Variants in TMEM45A observed in about 807,000 individuals in gnomAD.
TMEM45A encodes the protein DNA polymerase-transactivated protein 4.
Under a neutral mutation model 32.0 loss-of-function variants are expected in TMEM45A, and 25 were observed. The ratio of observed to expected loss-of-function variants is 0.78; its 90% CI spans 0.57 to 1.09. TMEM45A has a LOEUF of 1.09. Ranked by LOEUF, TMEM45A falls within the 50% of genes least tolerant of loss-of-function variation. The pLI is 0.00. For missense variants in TMEM45A, 302 were observed against 325.0 expected, an observed-to-expected ratio of 0.93 and a Z score of 0.54; for synonymous variants, 122 against 114.8, an observed-to-expected ratio of 1.06 and a Z score of -0.40.
chr3:100,542,712 G>T (rs1336105608), intron 1 of TMEM45A, among the ~76,000 whole-genome samples: 3 of 152,162 alleles, frequency 2.0e-5, no homozygotes, highest in Non-Finnish European at 4.4e-5. Context: ...CCATAAAAAG[G>T]AATGAAAATC....
intron 5 of TMEM45A, among the ~76,000 whole-genome samples, chr3:100,569,712 T>C (rs1030387960): frequency 3.4e-5 from 5 of 149,026 alleles, no homozygotes; most frequent in African/African-American, 1.2e-4. Context: ...CTTGTTATTC[T>C]TTTCCTCCCT....
intron 1 of TMEM45A, among the ~76,000 whole-genome samples, chr3:100,507,324 A>G (rs1708091982): frequency 1.3e-5 from 2 of 152,188 alleles, no homozygotes; most frequent in African/African-American, 4.8e-5. Flanking sequence ...TCTGCATACA[A>G]TTTACAAATC....
At chr3:100,568,240 A>G (rs1013008732) in intron 4 of TMEM45A, among the ~76,000 whole-genome samples, 2 of 152,170 alleles carry the variant, frequency 1.3e-5, no homozygotes, top group African/African-American at 2.4e-5. Context: ...TATATATAAG[A>G]TCATGTCATC....
chr3:100,567,264 T>C (rs1194062240), intron 4 of TMEM45A, among the ~76,000 whole-genome samples: 1 of 151,958 alleles, frequency 6.6e-6, no homozygotes, highest in Non-Finnish European at 1.5e-5. Context: ...TTGAAGACTG[T>C]TCTTTCCCCA....
chr3:100,526,530 GA>G (rs1705548405), intron 1 of TMEM45A, among the ~76,000 whole-genome samples: 1 of 152,070 alleles, frequency 6.6e-6, no homozygotes, highest in Non-Finnish European at 1.5e-5. Flanking sequence ...ACCTTTTCAA[GA>G]AGTCATTTAT....
intron 1 of TMEM45A, among the ~76,000 whole-genome samples, chr3:100,531,813 G>A (rs1471385991): frequency 1.3e-5 from 2 of 152,176 alleles, no homozygotes; most frequent in Non-Finnish European, 2.9e-5. Flanking sequence ...TAATGATGCT[G>A]GCGATTTATT....
intron 1 of TMEM45A, among the ~76,000 whole-genome samples, chr3:100,503,704 A>G (rs149084770): frequency 7.2e-5 from 11 of 152,314 alleles, no homozygotes; most frequent in Admixed American, 2.6e-4. Flanking sequence ...TACATGAACA[A>G]CTAATGACTG....
intron 1 of TMEM45A, among the ~76,000 whole-genome samples, chr3:100,541,362 CG>C (rs1315103525): frequency 2.0e-5 from 3 of 151,866 alleles, no homozygotes; most frequent in Non-Finnish European, 4.4e-5. Context: ...TTGTTTTTGT[CG>C]CAATTGTTTT....
chr3:100,500,076 C>T (rs1707988990), intron 1 of TMEM45A, among the ~76,000 whole-genome samples: 1 of 152,108 alleles, frequency 6.6e-6, no homozygotes, highest in African/African-American at 2.4e-5. Context: ...GGTTCCCCTT[C>T]TATTTACATG....
intron 1 of TMEM45A, among the ~76,000 whole-genome samples, chr3:100,548,355 G>T (rs1396886786): frequency 8.5e-5 from 13 of 152,164 alleles, no homozygotes. Context: ...GCATTCCTGT[G>T]TCTTGGCACT....
chr3:100,539,481 A>ATATG (rs1705815583), intron 1 of TMEM45A, among the ~76,000 whole-genome samples: 1 of 141,472 alleles, frequency 7.1e-6, no homozygotes, highest in African/African-American at 2.9e-5. Context: ...ATGTATATGT[A>ATATG]TATGTATATG....
intron 4 of TMEM45A, among the ~76,000 whole-genome samples, chr3:100,564,994 C>T (rs9864288): frequency 0.32 from 48,924 of 152,000 alleles, 8,786 homozygotes; most frequent in African/African-American, 0.46. Flanking sequence ...CACTGTCCTT[C>T]GTATTGCCCC....
chr3:100,558,430 T>C lies in TMEM45A; in HGVS notation c.429T>C (p.His143=), dbSNP rs1182550960. ...VEAFIFYNHT[H]GREMLDIFVH... ...CCTTTATCTTCTACAACCACACTCA[T>C]GGCCGGGAAATGCTGGACATCTTTG... is the stretch of plus-strand genomic sequence containing the variant. Residue 143 remains histidine (H), a synonymous_variant, in exon 4 of 6, where the codon CAT becomes CAC. Coordinates refer to ENST00000323523, the MANE Select transcript of TMEM45A (RefSeq NM_018004.3). The C allele has an allele frequency of 1.2e-6, 2 of 1,613,776 alleles. No homozygotes were observed. The highest frequency in any genetic ancestry group is 2.2e-5 in the East Asian group (1 of 44,886).
At chr3:100,555,811 G>A (rs940184976) in intron 2 of TMEM45A, among the ~76,000 whole-genome samples, 4 of 152,134 alleles carry the variant, frequency 2.6e-5, no homozygotes, top group Non-Finnish European at 5.9e-5. Context: ...ATTTCTTCAT[G>A]CTTTATTCAT....
chr3:100,496,489 A>G (rs1212750707), intron 1 of TMEM45A, among the ~76,000 whole-genome samples: 1 of 152,260 alleles, frequency 6.6e-6, no homozygotes, highest in Non-Finnish European at 1.5e-5. Flanking sequence ...CCAATAGGCT[A>G]TGCTACCTTA....
At chr3:100,544,892 A>G (rs1460625604) in intron 1 of TMEM45A, among the ~76,000 whole-genome samples, 1 of 152,148 alleles carries the variant, frequency 6.6e-6, no homozygotes, top group Non-Finnish European at 1.5e-5. Context: ...TGTATGTTTA[A>G]TGTTATAAAA....
chr3:100,565,786 CTAACA>C (rs1385036168), intron 4 of TMEM45A, among the ~76,000 whole-genome samples: 1 of 152,088 alleles, frequency 6.6e-6, no homozygotes, highest in African/African-American at 2.4e-5. Flanking sequence ...TAAAACTTTC[CTAACA>C]TAACATTAAT....
In TMEM45A at chr3:100,555,448, A is replaced by G; in HGVS notation, c.190+47A>G. 2 of 1,517,340 alleles carry G rather than the reference A, an allele frequency of 1.3e-6. 1 individual carries two copies. Among genetic ancestry groups the G allele is most frequent in the Non-Finnish European group, 1.8e-6 (2 of 1,126,156 alleles). 94.0% of individuals were successfully genotyped at this position (1,517,340 alleles called of 1,614,324 possible). Reference sequence around the variant, plus strand: ...CTATTTTTACCTTTTAGGTGTTTTCATTCTTTTAAAGAATTGGTTGGAGCT... The same window carrying G: ...CTATTTTTACCTTTTAGGTGTTTTCGTTCTTTTAAAGAATTGGTTGGAGCT... On this transcript the variant is annotated intron_variant, in intron 2 of 5. Transcript: ENST00000323523.
At chr3:100,567,538 A>AAAAAAAAAC (rs1706468693) in intron 4 of TMEM45A, among the ~76,000 whole-genome samples, 1 of 151,192 alleles carries the variant, frequency 6.6e-6, no homozygotes, top group Non-Finnish European at 1.5e-5. Flanking sequence ...AAAAAAAAAA[A>AAAAAAAAAC]AAAGAACATT....
Sources: allele counts gnomAD v4.1 joint callset (sites outside exome capture counted in the v4.1 genomes callset), GRCh38; gene constraint gnomAD v4.1.1; transcripts MANE v1.5; gene names NCBI Gene and HGNC (gene_info 2026-07-23, HGNC 2026-07-21).